STAG1: variants seen among roughly 807,000 people sequenced by gnomAD.
STAG1 encodes the protein STAG1 cohesin complex component.
In STAG1, 26 loss-of-function variants were observed where a neutral mutation model predicts 170.9. The observed-to-expected ratio is 0.15, with a 90% CI of 0.11 to 0.21. STAG1 has a LOEUF of 0.21. STAG1 is among the 10% of genes least tolerant of loss of function. The pLI is 1.00. For missense variants in STAG1, 964 were observed against 1,509.5 expected, an observed-to-expected ratio of 0.64 and a Z score of 5.99; for synonymous variants, 514 against 497.7, an observed-to-expected ratio of 1.03 and a Z score of -0.44.
rs567149892 is a variant in STAG1, at chr3:136,544,799, T to C, written c.395-2604A>G. ...TTATAGCTTTTATGACACACCATTC[T>C]TGCTTACCTCAAATTACTGAAGTCT... On this transcript the variant is annotated intron_variant, in intron 5 of 33. Coordinates refer to ENST00000383202, the MANE Select transcript of STAG1 (RefSeq NM_005862.3). 3.3e-5 allele frequency among the ~76,000 whole-genome samples: 5 copies of C among 152,226 alleles called. No individual in the cohort carries two copies. The South Asian group carries it at 1.0e-3, about 32-fold the overall frequency.
intron 4 of STAG1, among the ~76,000 whole-genome samples, chr3:136,585,379 T>C (rs1218390242): frequency 6.6e-6 from 1 of 151,786 alleles, no homozygotes. Context: ...GAGGCGGAGG[T>C]TGCAGTGAGC....
rs749698375 is a variant in STAG1 at position 136,433,647 on chromosome 3, C to T, written c.1559G>A (p.Arg520His). 1.3e-5 allele frequency: 21 copies of T among 1,609,782 alleles called. No individual in the cohort carries two copies. The highest frequency in any genetic ancestry group is 1.7e-5 in the Admixed American group (1 of 59,330). ...TAGCTCTATAAGAGCACTCTCTTGACGATCAGACATTGCTAAGGTAAAACA... is the reference window on the plus strand; with the variant it reads ...TAGCTCTATAAGAGCACTCTCTTGATGATCAGACATTGCTAAGGTAAAACA... The part of the protein sequence containing the change: ...PVQGEEAMSD[R>H]QESALIELMV... The change falls in exon 16 of 34, where the codon CGT (arginine) becomes CAT (histidine). Residue 520 changes from arginine to histidine, a missense_variant. Arg to His is a conservative substitution (Grantham distance 29). Coordinates refer to ENST00000383202, the MANE Select transcript of STAG1 (RefSeq NM_005862.3).
chr3:136,379,693 A>T (rs1395984737), intron 22 of STAG1, among the ~76,000 whole-genome samples: 2 of 152,138 alleles, frequency 1.3e-5, no homozygotes, highest in Non-Finnish European at 1.5e-5. Context: ...CGGTCAATAG[A>T]GCAAGACTCT....
intron 6 of STAG1, among the ~76,000 whole-genome samples, chr3:136,530,086 T>C (rs1241863633): frequency 2.6e-5 from 4 of 152,088 alleles, no homozygotes; most frequent in African/African-American, 9.7e-5. Context: ...CAAGAACAGC[T>C]ATACTTATGA....
intron 7 of STAG1, among the ~76,000 whole-genome samples, chr3:136,503,632 T>C (rs1158916371): frequency 6.6e-6 from 1 of 152,206 alleles, no homozygotes; most frequent in Admixed American, 6.5e-5. Flanking sequence ...CATTTGGTTA[T>C]TAAAAAAACT....
At chr3:136,418,933 G>A (rs1055727969) in intron 20 of STAG1, among the ~76,000 whole-genome samples, 3 of 152,052 alleles carry the variant, frequency 2.0e-5, no homozygotes, top group Non-Finnish European at 4.4e-5. Flanking sequence ...GAGCCACCGC[G>A]TCAGGCCTAT....
At chr3:136,604,178 T>C in intron 4 of STAG1, 131 bp downstream of exon 4, 2 of 780,106 alleles carry the variant, frequency 2.6e-6, no homozygotes, top group South Asian at 3.2e-5. Context: ...AATAATAACC[T>C]TTCAGGATAA....
chr3:136,635,640 CA>C, intron 1 of STAG1, among the ~76,000 whole-genome samples: 1 of 152,028 alleles, frequency 6.6e-6, no homozygotes, highest in Non-Finnish European at 1.5e-5. Context: ...AGAAAATAAA[CA>C]AAAGGTACAT....
chr3:136,439,388 C>CCACACACACACACA (rs1559801956), intron 15 of STAG1, among the ~76,000 whole-genome samples: 1 of 75,236 alleles, frequency 1.3e-5, no homozygotes, highest in African/African-American at 5.2e-5. Context: ...AAACACCCCC[C>CCACACACACACACA]GACACACACA....
chr3:136,405,569 T>C (rs1576433852), intron 21 of STAG1, among the ~76,000 whole-genome samples: 1 of 151,028 alleles, frequency 6.6e-6, no homozygotes, highest in South Asian at 2.1e-4. Flanking sequence ...AGGAAAAATA[T>C]GTTAGGCCAG....
intron 1 of STAG1, among the ~76,000 whole-genome samples, chr3:136,696,779 G>A (rs1314587536): frequency 6.6e-6 from 1 of 152,060 alleles, no homozygotes; most frequent in African/African-American, 2.4e-5. Flanking sequence ...GGCTAAAAAG[G>A]TTACATATCA....
At position 136,416,005 on chromosome 3, in the gene STAG1, C is replaced by T. The variant is rs546442906; in HGVS notation, c.2196+1880G>A. Among the ~76,000 whole-genome samples the T allele has an allele frequency of 2.0e-5, 3 of 149,590 alleles. No homozygotes were observed. In the South Asian group the frequency reaches 6.5e-4, roughly 32 times the overall value. Reference sequence around the variant, plus strand: ...GTTCAAGAAATTAACAAAGTTAAAGCCATAAAACTTTTTTTTTTTTTGAGA... The same window carrying T: ...GTTCAAGAAATTAACAAAGTTAAAGTCATAAAACTTTTTTTTTTTTTGAGA... On this transcript the variant is annotated intron_variant, in intron 21 of 33. Transcript: ENST00000383202.
chr3:136,745,924 C>T (rs944233698), intron 1 of STAG1, among the ~76,000 whole-genome samples: 2 of 152,170 alleles, frequency 1.3e-5, no homozygotes, highest in Admixed American at 6.5e-5. Context: ...CTGCATGCAG[C>T]CCATGGGCCA....
intron 1 of STAG1, among the ~76,000 whole-genome samples, chr3:136,645,235 T>C (rs1940962523): frequency 6.6e-6 from 1 of 152,214 alleles, no homozygotes; most frequent in South Asian, 2.1e-4. Context: ...CTTCTATCTC[T>C]GCACCCCAAA....
intron 1 of STAG1, among the ~76,000 whole-genome samples, chr3:136,646,295 G>T (rs557616590): frequency 6.6e-6 from 1 of 152,190 alleles, no homozygotes; most frequent in African/African-American, 2.4e-5. Context: ...GGCTCAGGTG[G>T]AATCTTAATC....
intron 10 of STAG1, among the ~76,000 whole-genome samples, chr3:136,474,345 C>G (rs758685559): frequency 6.6e-6 from 1 of 152,184 alleles, no homozygotes; most frequent in Non-Finnish European, 1.5e-5. Context: ...TCAGATACAA[C>G]TAAATTTTAG....
intron 13 of STAG1, among the ~76,000 whole-genome samples, chr3:136,459,377 T>C (rs951951168): frequency 1.3e-5 from 2 of 151,958 alleles, no homozygotes; most frequent in African/African-American, 2.4e-5. Flanking sequence ...ACTTAAGACA[T>C]AAGGAAAGAG....
chr3:136,390,201 G>A (rs1211478351), intron 22 of STAG1, among the ~76,000 whole-genome samples: 1 of 152,124 alleles, frequency 6.6e-6, no homozygotes, highest in Non-Finnish European at 1.5e-5. Context: ...CTCAGGAACA[G>A]GGCTGCAAAC....
intron 1 of STAG1, among the ~76,000 whole-genome samples, chr3:136,702,456 G>A (rs968219891): frequency 5.3e-4 from 81 of 152,096 alleles, no homozygotes; most frequent in Non-Finnish European, 3.4e-4. Flanking sequence ...GCGCGATCTC[G>A]GCTCACCGCA....
Sources: gnomAD v4.1 joint callset for allele counts (sites outside exome capture counted in the v4.1 genomes callset) on GRCh38, gnomAD v4.1.1 for gene constraint, MANE v1.5 for transcripts, NCBI Gene and HGNC (gene_info 2026-07-23, HGNC 2026-07-21) for gene names.